The following EFCAB6 variants were observed in gnomAD, a reference collection of about 807,000 sequenced individuals.
EFCAB6 encodes EF-hand calcium-binding domain-containing protein 6.
Under a neutral mutation model 169.8 loss-of-function variants are expected in EFCAB6, and 156 were observed. That is an observed-to-expected ratio of 0.92 (90% CI 0.81 to 1.05). The LOEUF is 1.05. Among genes scored for constraint, EFCAB6 ranks in the 50% least tolerant of loss-of-function variants. The pLI is 0.00. For missense variants in EFCAB6, 1,800 were observed against 1,829.1 expected, an observed-to-expected ratio of 0.98 and a Z score of 0.29; for synonymous variants, 698 against 676.4, an observed-to-expected ratio of 1.03 and a Z score of -0.50.
intron 13 of EFCAB6, among the ~76,000 whole-genome samples, chr22:43,674,436 C>T (rs1053967770): frequency 7.9e-5 from 12 of 152,214 alleles, no homozygotes; most frequent in South Asian, 2.1e-4. Context: ...GCGCAGGCTC[C>T]GGGGGTGCTG....
In EFCAB6 at chr22:43,735,846, C is replaced by T. The variant is rs376205684; in HGVS notation, c.644+11G>A. On this transcript the variant is annotated intron_variant, in intron 7 of 31. Coordinates refer to ENST00000262726, the MANE Select transcript of EFCAB6 (RefSeq NM_022785.4). ...ACTGAGCAATCTCTCACCGTGCCTT[C>T]ATTTGCTTACTTTTCGTATTCCTCG... is the stretch of plus-strand genomic sequence containing the variant. 1 of 1,611,758 alleles carries T rather than the reference C, an allele frequency of 6.2e-7. No individual in the cohort carries two copies. The highest frequency in any genetic ancestry group is 1.7e-5 in the Admixed American group (1 of 59,412).
chr22:43,631,096 C>G (rs1388473496), intron 19 of EFCAB6, among the ~76,000 whole-genome samples: 2 of 151,772 alleles, frequency 1.3e-5, no homozygotes, highest in Non-Finnish European at 2.9e-5. Context: ...GGGTGTTGCC[C>G]TCCCCACAGC....
At chr22:43,568,569 G>A (rs1422901631) in intron 26 of EFCAB6, among the ~76,000 whole-genome samples, 1 of 152,168 alleles carries the variant, frequency 6.6e-6, no homozygotes, top group African/African-American at 2.4e-5. Flanking sequence ...GAATCAAGAA[G>A]AATCCTGATC....
chr22:43,694,096 C>A (rs2058494114), intron 10 of EFCAB6, among the ~76,000 whole-genome samples: 1 of 151,384 alleles, frequency 6.6e-6, no homozygotes, highest in Non-Finnish European at 1.5e-5. Flanking sequence ...TGAACCCAAC[C>A]AATATGAAGA....
intron 13 of EFCAB6, 129 bp from the exon 14 acceptor site, chr22:43,672,434 A>G (rs2057533749): frequency 1.1e-6 from 1 of 901,366 alleles, no homozygotes; most frequent in Non-Finnish European, 1.7e-6. Context: ...GAGACCTTGA[A>G]CAACGGAGCT....
rs115970059 is a variant in EFCAB6 at position 43,557,824 on chromosome 22, C to T, written c.3421-2728G>A. ...AAAAATAACACACCAAGATCAACTA[C>T]GGTTTATTTCATGGATAAGAATGCA... On this transcript the variant is annotated intron_variant, in intron 26 of 31. Coordinates refer to ENST00000262726, the MANE Select transcript of EFCAB6 (RefSeq NM_022785.4). Among the ~76,000 whole-genome samples the T allele has an allele frequency of 8.5e-3, 1,299 of 152,238 alleles. 26 individuals are homozygous for T. The highest frequency in any genetic ancestry group is 0.03 in the African/African-American group (1,230 of 41,546).
At chr22:43,719,343 C>T (rs935827468) in intron 8 of EFCAB6, among the ~76,000 whole-genome samples, 2 of 152,204 alleles carry the variant, frequency 1.3e-5, no homozygotes, top group East Asian at 3.8e-4. Context: ...CAATCCAAAG[C>T]TTACAGTGCG....
At chr22:43,683,163 C>G (rs367615063) in intron 12 of EFCAB6, among the ~76,000 whole-genome samples, 1 of 152,152 alleles carries the variant, frequency 6.6e-6, no homozygotes, top group African/African-American at 2.4e-5. Flanking sequence ...CTTCAATTAC[C>G]GAATGTGCTT....
chr22:43,737,253 T>C (rs1035425232), intron 6 of EFCAB6, among the ~76,000 whole-genome samples: 1 of 152,010 alleles, frequency 6.6e-6, no homozygotes, highest in Admixed American at 6.6e-5. Context: ...TTTACTGACA[T>C]GGTCCACCCC....
At chr22:43,787,354 A>G (rs1479860798) in intron 2 of EFCAB6, among the ~76,000 whole-genome samples, 1 of 5,998 alleles carries the variant, frequency 1.7e-4, no homozygotes, top group Non-Finnish European at 4.3e-4. Flanking sequence ...ACACATATGC[A>G]CACACACACA....
chr22:43,683,731 G>T lies in EFCAB6; in HGVS notation c.1251+16C>A. The T allele has an allele frequency of 3.9e-6, 6 of 1,550,042 alleles. No homozygotes were observed. Among genetic ancestry groups the T allele is most frequent in the Non-Finnish European group, 5.3e-6 (6 of 1,121,520 alleles). ...AACAATGAGTGTTTCACAAGAGAAG[G>T]CTTTCAAAATCTTACAGTGTTGATT... On this transcript the variant is annotated intron_variant, in intron 12 of 31. Coordinates refer to ENST00000262726, the MANE Select transcript of EFCAB6 (RefSeq NM_022785.4).
At chr22:43,752,408 A>G in intron 6 of EFCAB6, among the ~76,000 whole-genome samples, 1 of 152,170 alleles carries the variant, frequency 6.6e-6, no homozygotes. Context: ...GTGAGCCACC[A>G]TGCCCGGCTG....
chr22:43,635,871 G>A (rs553805654), intron 17 of EFCAB6, among the ~76,000 whole-genome samples: 2 of 152,264 alleles, frequency 1.3e-5, no homozygotes, highest in East Asian at 1.9e-4. Flanking sequence ...AAGTGGAATC[G>A]TCTCGATGAC....
chr22:43,710,817 A>T lies in EFCAB6; in HGVS notation c.1031+658T>A, dbSNP rs144706554. Among the ~76,000 whole-genome samples, 1,038 of 152,298 alleles carry T rather than the reference A, an allele frequency of 6.8e-3. 8 individuals carry two copies. Among genetic ancestry groups the T allele is most frequent in the South Asian group, 0.017 (83 of 4,834 alleles). On this transcript the variant is annotated intron_variant, in intron 10 of 31. Transcript: ENST00000262726. ...CCCCACAAAATGAACATGGGTCTGTACATCTACATCTAACTATCAATTTAG... is the reference window on the plus strand; with the variant it reads ...CCCCACAAAATGAACATGGGTCTGTTCATCTACATCTAACTATCAATTTAG...
intron 4 of EFCAB6, among the ~76,000 whole-genome samples, chr22:43,772,455 A>G (rs1464712091): frequency 6.6e-6 from 1 of 152,136 alleles, no homozygotes; most frequent in Non-Finnish European, 1.5e-5. Context: ...GCCTGGAAAC[A>G]TGGTGAAACC....
chr22:43,752,490 T>C (rs900672559), intron 6 of EFCAB6, among the ~76,000 whole-genome samples: 1 of 152,180 alleles, frequency 6.6e-6, no homozygotes, highest in Non-Finnish European at 1.5e-5. Flanking sequence ...TGGGTGGCCA[T>C]GTGCTTCATA....
intron 13 of EFCAB6, 82 bp downstream of exon 13, chr22:43,677,914 T>C: frequency 1.4e-6 from 2 of 1,383,862 alleles, no homozygotes; most frequent in Non-Finnish European, 2.0e-6. Flanking sequence ...TTAAACCATA[T>C]TTCACTTGCA....
At chr22:43,623,625 G>T (rs537273860) in intron 20 of EFCAB6, among the ~76,000 whole-genome samples, 4 of 151,850 alleles carry the variant, frequency 2.6e-5, no homozygotes, top group African/African-American at 4.8e-5. Context: ...GCCAGGCGCG[G>T]TGGCTCACGC....
At position 43,794,821 on chromosome 22, in the gene EFCAB6, T is replaced by A. The variant is rs116425184; in HGVS notation, c.-7-12496A>T. ...GACAGACTCTACTGGCAACCCCTAGTCTATTGTTCTAAACATAGGAATTAT... is the reference window on the plus strand; with the variant it reads ...GACAGACTCTACTGGCAACCCCTAGACTATTGTTCTAAACATAGGAATTAT... On this transcript the variant is annotated intron_variant, in intron 2 of 31. Transcript: ENST00000262726. Among the ~76,000 whole-genome samples the A allele has an allele frequency of 8.4e-3, 1,283 of 152,324 alleles. 26 individuals carry two copies. Among genetic ancestry groups the A allele is most frequent in the African/African-American group, 0.029 (1,218 of 41,556 alleles).
Sources: allele counts gnomAD v4.1 joint callset (sites outside exome capture counted in the v4.1 genomes callset), GRCh38; gene constraint gnomAD v4.1.1; transcripts MANE v1.5; gene names NCBI Gene and HGNC (gene_info 2026-07-23, HGNC 2026-07-21).